HIRA: variants seen among roughly 807,000 people sequenced by gnomAD.
The protein encoded by HIRA is protein HIRA.
Under a neutral mutation model 126.6 loss-of-function variants are expected in HIRA, and 13 were observed. The ratio of observed to expected loss-of-function variants is 0.10; its 90% CI spans 0.07 to 0.16. The LOEUF (loss-of-function observed/expected upper bound fraction) is 0.16, where lower values mean the gene tolerates loss of function less well. Among genes scored for constraint, HIRA ranks in the 10% least tolerant of loss-of-function variants. HIRA has a pLI of 1.00. For missense variants in HIRA, 834 were observed against 1,314.4 expected (o/e 0.63, Z 5.65); for synonymous variants, 511 against 520.0 (o/e 0.98, Z 0.24).
chr22:19,337,864 T>C (rs1359503689), intron 24 of HIRA, among the ~76,000 whole-genome samples: 2 of 152,082 alleles, frequency 1.3e-5, no homozygotes, highest in East Asian at 3.9e-4. Context: ...CAATCTTGGC[T>C]CACTGCAATC....
rs146643449 is a variant in HIRA, at chr22:19,354,025, C to T, written c.2655G>A (p.Pro885=). ...AGGTGCGGCCCTGGATTATGGCTAA[C>T]GGTCCTGAGCACAGCATGGCGTCCT... ...PSQDAMLCSG[P]LAIIQGRTSN... Residue 885 remains proline (P), a synonymous_variant, in exon 22 of 25, where the codon CCG becomes CCA. Coordinates refer to ENST00000263208, the MANE Select transcript of HIRA (RefSeq NM_003325.4). The T allele has an allele frequency of 3.7e-4, 589 of 1,613,320 alleles. No homozygotes were observed. The highest frequency in any genetic ancestry group is 2.6e-3 in the African/African-American group (192 of 75,026).
intron 20 of HIRA, 30 bp from the exon 21 acceptor site, chr22:19,355,895 T>A (rs782387225): frequency 1.4e-6 from 2 of 1,470,034 alleles, no homozygotes; most frequent in East Asian, 4.5e-5. Flanking sequence ...GAGTTCTGGG[T>A]GTGCTCTGAT....
At chr22:19,426,474 C>T (rs185629515) in intron 1 of HIRA, among the ~76,000 whole-genome samples, 4 of 152,314 alleles carry the variant, frequency 2.6e-5, no homozygotes, top group African/African-American at 9.6e-5. Flanking sequence ...ATTCTAGTCA[C>T]GTCAAGGTTC....
In HIRA at chr22:19,361,895, G is replaced by C. The variant is rs144068312; in HGVS notation, c.1812C>G (p.Pro604=). The stretch of plus-strand genomic sequence containing the variant: ...CACTGCTGCTCTCCAGGAGGTCTCG[G>C]GGCCTCAGCTCTTTCACAAGGTTCT... ...KEQNLVKELR[P]RDLLESSSDS... is the part of the protein sequence containing the mutation. The change falls in exon 16 of 25, where the codon CCC becomes CCG. Residue 604 remains proline, a synonymous_variant. Coordinates refer to ENST00000263208, the MANE Select transcript of HIRA (RefSeq NM_003325.4). 19 of 1,614,190 alleles carry C rather than the reference G, an allele frequency of 1.2e-5. No individual in the cohort carries two copies. The highest frequency in any genetic ancestry group is 1.4e-5 in the Non-Finnish European group (17 of 1,180,040).
chr22:19,392,532 CA>C (rs768666937), intron 8 of HIRA, among the ~76,000 whole-genome samples: 1 of 152,242 alleles, frequency 6.6e-6, no homozygotes, highest in Non-Finnish European at 1.5e-5. Context: ...CTAGCCTTCT[CA>C]ATTCCCTCTG....
intron 8 of HIRA, among the ~76,000 whole-genome samples, chr22:19,393,881 G>A (rs993275390): frequency 1.3e-5 from 2 of 152,164 alleles, no homozygotes; most frequent in Admixed American, 6.5e-5. Context: ...AGCATAAGAC[G>A]AGTGGCCAGA....
At chr22:19,409,757 A>G (rs964957624) in intron 2 of HIRA, among the ~76,000 whole-genome samples, 2 of 152,224 alleles carry the variant, frequency 1.3e-5, no homozygotes, top group Non-Finnish European at 2.9e-5. Context: ...TCTCTGCTGG[A>G]CCAAGGTGGC....
chr22:19,333,331 A>G (rs2088516991), intron 24 of HIRA, among the ~76,000 whole-genome samples: 1 of 152,208 alleles, frequency 6.6e-6, no homozygotes, highest in Non-Finnish European at 1.5e-5. Flanking sequence ...TAGAAGAAAG[A>G]AAAAGATATG....
At position 19,341,070 on chromosome 22, in the gene HIRA, C is replaced by T. The variant is rs2088622423; in HGVS notation, c.2938-9514G>A. Among the ~76,000 whole-genome samples the T allele has an allele frequency of 2.0e-5, 3 of 152,180 alleles. No individual in the cohort carries two copies. The South Asian group carries it at 6.2e-4, about 32-fold the overall frequency. On this transcript the variant is annotated intron_variant, in intron 24 of 24. Transcript: ENST00000263208. ...GTGGCTCACGCCTGTAATTCCAGCA[C>T]TTTGGGAGGCTAAGGTAGGCAGATC...
At chr22:19,345,551 G>T (rs142190052) in intron 24 of HIRA, among the ~76,000 whole-genome samples, 1 of 152,158 alleles carries the variant, frequency 6.6e-6, no homozygotes, top group South Asian at 2.1e-4. Flanking sequence ...ATGGACCAGT[G>T]GGGGAGGGGA....
In HIRA at chr22:19,430,927, G is replaced by A. The variant is rs116885906; in HGVS notation, c.37+513C>T. Among the ~76,000 whole-genome samples, 507 of 152,212 alleles carry A rather than the reference G, an allele frequency of 3.3e-3. 19 individuals carry two copies. The East Asian group carries it at 0.068, about 20-fold the overall frequency. ...AATCGTGGATCCTTCGCGGGGGCCC[G>A]GGGCCCCCAAACCCTCCTATTTAGG... is the stretch of plus-strand genomic sequence containing the variant. On this transcript the variant is annotated intron_variant, in intron 1 of 24. Coordinates refer to ENST00000263208, the MANE Select transcript of HIRA (RefSeq NM_003325.4).
intron 15 of HIRA, among the ~76,000 whole-genome samples, chr22:19,369,119 G>A (rs562788735): frequency 6.7e-6 from 1 of 149,896 alleles, no homozygotes; most frequent in African/African-American, 2.4e-5. Flanking sequence ...CTTACAAATG[G>A]GCTCCATCCT....
chr22:19,407,706 G>A (rs368432848), intron 3 of HIRA, among the ~76,000 whole-genome samples: 1 of 152,188 alleles, frequency 6.6e-6, no homozygotes, highest in South Asian at 2.1e-4. Flanking sequence ...GTCTGTTACA[G>A]TATAAAACTC....
At chr22:19,343,511 C>T (rs1386872266) in intron 24 of HIRA, among the ~76,000 whole-genome samples, 5 of 151,978 alleles carry the variant, frequency 3.3e-5, no homozygotes, top group African/African-American at 9.7e-5. Context: ...TGAAGTAAGT[C>T]GAGATTACAC....
At chr22:19,348,500 AT>A (rs201697171) in intron 24 of HIRA, among the ~76,000 whole-genome samples, 77 of 146,790 alleles carry the variant, frequency 5.2e-4, no homozygotes, top group Admixed American at 4.7e-4. Context: ...GATACAGCTG[AT>A]TTTTTTTTTT....
chr22:19,421,634 T>G (rs909091009), intron 1 of HIRA, among the ~76,000 whole-genome samples: 1 of 152,198 alleles, frequency 6.6e-6, no homozygotes, highest in Non-Finnish European at 1.5e-5. Context: ...ACTCTGCCCT[T>G]AGACTGGAAC....
chr22:19,389,188 G>GT lies in HIRA; in HGVS notation c.937-635dup, dbSNP rs531152372. 5.3e-5 allele frequency among the ~76,000 whole-genome samples: 8 copies of GT among 152,294 alleles called. No homozygotes were observed. The South Asian group carries it at 1.7e-3, about 32-fold the overall frequency. On this transcript the variant is annotated intron_variant, in intron 9 of 24. Coordinates refer to ENST00000263208, the MANE Select transcript of HIRA (RefSeq NM_003325.4). The stretch of plus-strand genomic sequence containing the variant: ...TATTTTATTCTTCATAGTTGTGTCT[G>GT]TTTTTTCATTTAACACACAATAAGT...
At chr22:19,361,140 A>G in intron 17 of HIRA, 97 bp downstream of exon 17, 1 of 954,594 alleles carries the variant, frequency 1.0e-6, no homozygotes, top group Non-Finnish European at 1.7e-6. Context: ...CTGGAAACCA[A>G]TCTCCAAGGA....
At chr22:19,349,112 T>A (rs868954967) in intron 24 of HIRA, among the ~76,000 whole-genome samples, 1 of 151,158 alleles carries the variant, frequency 6.6e-6, no homozygotes, top group Non-Finnish European at 1.5e-5. Flanking sequence ...TTTTTTAAAT[T>A]TTCCTTTTCT....
Sources: allele counts gnomAD v4.1 joint callset (sites outside exome capture counted in the v4.1 genomes callset), GRCh38; gene constraint gnomAD v4.1.1; transcripts MANE v1.5; gene names NCBI Gene and HGNC (gene_info 2026-07-23, HGNC 2026-07-21).